Variants in ADAMTS5 observed in about 807,000 individuals in gnomAD.
ADAMTS5 encodes the protein A disintegrin and metalloproteinase with thrombospondin motifs 5.
A neutral mutation model predicts 81.4 loss-of-function variants in ADAMTS5; 54 were observed. That is an observed-to-expected ratio of 0.66 (90% confidence interval 0.53 to 0.83). The LOEUF (loss-of-function observed/expected upper bound fraction) is 0.83, where lower values mean the gene tolerates loss of function less well. ADAMTS5 is among the 40% of genes least tolerant of loss of function. The pLI, the probability that ADAMTS5 is intolerant of heterozygous loss-of-function variation, is 0.00. For synonymous variants in ADAMTS5, 532 were observed against 508.8 expected (o/e 1.05, Z -0.61); for missense variants, 1,194 against 1,229.9 (o/e 0.97, Z 0.44).
rs1481879099 is a variant in ADAMTS5 at position 26,924,389 on chromosome 21, A to G, written c.2457T>C (p.His819=). The change falls in exon 8 of 8, where the codon CAT becomes CAC. Residue 819 remains histidine (H), a synonymous_variant. Coordinates refer to ENST00000284987, the MANE Select transcript of ADAMTS5 (RefSeq NM_007038.5). ...CCTTCGTGGCAGAGTAGCCCATGCC[A>G]TGCAGGAAGTCATCCCTGTGGCTCC... ...SGWSHRDDFL[H]GMGYSATKEI... 1 of 1,614,106 alleles carries G rather than the reference A, an allele frequency of 6.2e-7. No individual in the cohort carries two copies. The highest frequency in any genetic ancestry group is 1.7e-5 in the Admixed American group (1 of 60,034).
intron 2 of ADAMTS5, among the ~76,000 whole-genome samples, chr21:26,947,325 A>G (rs1351634602): frequency 6.6e-6 from 1 of 152,164 alleles, no homozygotes; most frequent in African/African-American, 2.4e-5. Context: ...TGGGGAGGGG[A>G]GATAGAAGCC....
intron 2 of ADAMTS5, among the ~76,000 whole-genome samples, chr21:26,943,962 A>G (rs976841701): frequency 6.6e-6 from 1 of 152,190 alleles, no homozygotes; most frequent in Non-Finnish European, 1.5e-5. Context: ...TTGCTCCCAT[A>G]TACTGTTGAA....
intron 1 of ADAMTS5, among the ~76,000 whole-genome samples, chr21:26,958,618 C>T (rs2123205129): frequency 6.6e-6 from 1 of 152,214 alleles, no homozygotes; most frequent in African/African-American, 2.4e-5. Flanking sequence ...GATTAGGGTC[C>T]CAGAGATCCA....
Position 26,923,838 on chromosome 21 carries a change from C to T in ADAMTS5, c.*215G>A. On this transcript the variant is annotated 3_prime_UTR_variant, in exon 8 of 8. Coordinates refer to ENST00000284987, the MANE Select transcript of ADAMTS5 (RefSeq NM_007038.5). The stretch of plus-strand genomic sequence containing the variant: ...TAAGCCCAGGGGATGTTCAATAACT[C>T]CCAAGTTTTTCTATATTGCAAGGTC... The T allele has an allele frequency of 2.0e-6, 1 of 496,910 alleles. No homozygotes were observed. The highest frequency in any genetic ancestry group is 1.9e-5 in the African/African-American group (1 of 52,782). The allele number at this position is 496,910 out of a possible 1,614,324, so 30.8% of individuals were successfully genotyped here.
intron 3 of ADAMTS5, among the ~76,000 whole-genome samples, chr21:26,938,832 C>G (rs28743106): frequency 0.075 from 11,362 of 152,192 alleles, 963 homozygotes; most frequent in African/African-American, 0.2. Context: ...TGCCCGGTCT[C>G]AAAGTTGTTG....
intron 7 of ADAMTS5, among the ~76,000 whole-genome samples, chr21:26,925,741 G>A (rs918203938): frequency 5.3e-5 from 8 of 152,296 alleles, no homozygotes; most frequent in Non-Finnish European, 7.3e-5. Flanking sequence ...ATCCAAGTGT[G>A]TTTCCCTTAC....
At position 26,924,284 on chromosome 21, in the gene ADAMTS5, C is replaced by T. The variant is rs975081147; in HGVS notation, c.2562G>A (p.Lys854=). The change falls in exon 8 of 8, where the codon AAG becomes AAA. Residue 854 remains lysine (K), a synonymous_variant. Transcript: ENST00000284987. ...TGACAGAGTTTACTTTTGGAGTGGA[C>T]TTCTTGGGAACAAAAAAGCTATAAC... The part of the protein sequence containing the change: ...DVRYSFFVPK[K]STPKVNSVTS... 6 of 1,614,054 alleles carry T rather than the reference C, an allele frequency of 3.7e-6. No individual in the cohort carries two copies. The African/African-American group carries it at 8.0e-5, about 22-fold the overall frequency.
At chr21:26,931,946 C>T (rs1986915545) in intron 6 of ADAMTS5, 58 bp downstream of exon 6, 2 of 1,499,262 alleles carry the variant, frequency 1.3e-6, no homozygotes. Context: ...AGGCTTCATT[C>T]TACCAAATAA....
chr21:26,957,276 T>C (rs1987444220), intron 1 of ADAMTS5, among the ~76,000 whole-genome samples: 1 of 152,264 alleles, frequency 6.6e-6, no homozygotes, highest in African/African-American at 2.4e-5. Context: ...GTTTATAGAA[T>C]ACTTTCTTAA....
At chr21:26,955,232 A>G (rs1398941496) in intron 1 of ADAMTS5, among the ~76,000 whole-genome samples, 1 of 152,182 alleles carries the variant, frequency 6.6e-6, no homozygotes, top group Non-Finnish European at 1.5e-5. Context: ...ATTCATGCTA[A>G]ATTTATCAAA....
Position 26,965,792 on chromosome 21 carries a change from G to A in ADAMTS5, c.600C>T (p.Phe200=), listed in dbSNP as rs1475884402. ...LHVYTREGFS[F]EALPPRASCE... The stretch of plus-strand genomic sequence containing the variant: ...AGCTGGCGCGCGGCGGCAGGGCCTC[G>A]AAGCTGAAGCCCTCGCGGGTGTAGA... The change falls in exon 1 of 8, where the codon TTC becomes TTT. Residue 200 remains phenylalanine (F), a synonymous_variant. Coordinates refer to ENST00000284987, the MANE Select transcript of ADAMTS5 (RefSeq NM_007038.5). 1 of 1,604,354 alleles carries A rather than the reference G, an allele frequency of 6.2e-7. No individual in the cohort carries two copies. Among genetic ancestry groups the A allele is most frequent in the Admixed American group, 1.7e-5 (1 of 59,156 alleles).
intron 3 of ADAMTS5, among the ~76,000 whole-genome samples, chr21:26,937,375 T>C (rs2123179449): frequency 6.6e-6 from 1 of 152,362 alleles, no homozygotes; most frequent in Admixed American, 6.5e-5. Context: ...GAGATGATCT[T>C]CTCTTGCTTA....
intron 3 of ADAMTS5, among the ~76,000 whole-genome samples, chr21:26,940,009 A>T (rs1987083529): frequency 6.6e-6 from 1 of 152,190 alleles, no homozygotes. Flanking sequence ...CCATAACCTA[A>T]TTGCTGCATA....
At chr21:26,926,921 A>G (rs1366377233) in intron 7 of ADAMTS5, among the ~76,000 whole-genome samples, 3 of 152,144 alleles carry the variant, frequency 2.0e-5, no homozygotes, top group Non-Finnish European at 2.9e-5. Context: ...GAGAATTAGT[A>G]TGATGGTCAG....
chr21:26,940,596 T>TA (rs1405630350), intron 3 of ADAMTS5, among the ~76,000 whole-genome samples: 1 of 152,144 alleles, frequency 6.6e-6, no homozygotes, highest in African/African-American at 2.4e-5. Flanking sequence ...TTTTATTGCT[T>TA]AAAAAAATTG....
At position 26,923,112 on chromosome 21, in the gene ADAMTS5, A is replaced by G. The variant is rs905646834; in HGVS notation, c.*941T>C. On this transcript the variant is annotated 3_prime_UTR_variant, in exon 8 of 8. Transcript: ENST00000284987. ...GCTGTGTGTTTTGTACGTATATCAT[A>G]CATTGTGAGATATCAGATGAAAGCT... is the stretch of plus-strand genomic sequence containing the variant. 1.3e-5 allele frequency: 2 copies of G among 152,218 alleles called. No individual in the cohort carries two copies. The highest frequency in any genetic ancestry group is 4.8e-5 in the African/African-American group (2 of 41,454). The allele number at this position is 152,218 out of a possible 1,614,324, so 9.4% of individuals were successfully genotyped here.
rs1796615598 is a variant in ADAMTS5 at position 26,932,133 on chromosome 21, C to T, written c.1920G>A (p.Gln640=). 2 of 1,614,152 alleles carry T rather than the reference C, an allele frequency of 1.2e-6. No homozygotes were observed. Among genetic ancestry groups the T allele is most frequent in the Non-Finnish European group, 1.7e-6 (2 of 1,179,996 alleles). ...HEQCEAKNGY[Q]SDAKGVKTFV... is the part of the protein sequence containing the mutation. ...AAGTTTTGACTCCTTTTGCATCAGA[C>T]TGATAGCCATTTTTGGCCTCACACT... The change falls in exon 6 of 8, where the codon CAG becomes CAA. Residue 640 remains glutamine, a synonymous_variant. Transcript: ENST00000284987.
rs58060427 is a variant in ADAMTS5, at chr21:26,951,679, CAAAAAAAAAAAAAAAAAAAAAAAAAAAAA to C, written c.1237+3031_1237+3059del. Among the ~76,000 whole-genome samples the C allele has an allele frequency of 3.4e-4, 16 of 46,608 alleles. 1 individual carries two copies. The highest frequency in any genetic ancestry group is 8.2e-4 in the Admixed American group (2 of 2,440). 30.6% of individuals were successfully genotyped at this position (46,608 alleles called of 152,430 possible). ...GGGCAACAAGAGTGACCCTCCATCT[CAAAAAAAAAAAAAAAAAAAAAAAAAAAAA>C]AAAAAAAAAAAAAAATTAGGAAGAG... On this transcript the variant is annotated intron_variant, in intron 2 of 7. Coordinates refer to ENST00000284987, the MANE Select transcript of ADAMTS5 (RefSeq NM_007038.5).
rs1250704662 is a variant in ADAMTS5 at position 26,965,871 on chromosome 21, G to A, written c.521C>T (p.Ala174Val). 1.2e-6 allele frequency: 2 copies of A among 1,613,580 alleles called. No homozygotes were observed. The highest frequency in any genetic ancestry group is 8.5e-7 in the Non-Finnish European group (1 of 1,179,828). Residue 174 changes from alanine (A) to valine (V), a missense_variant, in exon 1 of 8, where the codon GCG (alanine) becomes GTG (valine). Ala to Val is a moderately conservative substitution (Grantham distance 64, BLOSUM62 0). This residue lies in a region of ADAMTS5 where 498 missense variants were observed against 412.3 expected (regional missense o/e 1.21). Coordinates refer to ENST00000284987, the MANE Select transcript of ADAMTS5 (RefSeq NM_007038.5). ...TLKPLLRGPW[A>V]EEEKGRVYGD... ...GTACACGCGCCCCTTTTCTTCCTCC[G>A]CCCAGGGTCCGCGCAGCAGTGGCTT...
Sources: allele counts gnomAD v4.1 joint callset (sites outside exome capture counted in the v4.1 genomes callset), GRCh38; gene constraint gnomAD v4.1.1; regional missense constraint gnomAD v4.1.1; transcripts MANE v1.5; gene names NCBI Gene and HGNC (gene_info 2026-07-23, HGNC 2026-07-21).